NXPH1: variants seen among roughly 807,000 people sequenced by gnomAD.
The protein encoded by NXPH1 is neurexophilin-1.
In NXPH1, 5 loss-of-function variants were observed where a neutral mutation model predicts 23.7. The observed-to-expected ratio is 0.21, with a 90% confidence interval of 0.11 to 0.44. The LOEUF is 0.44. NXPH1 is among the 20% of genes least tolerant of loss of function. The probability of loss-of-function intolerance (pLI) is 0.99; values close to 1 mark genes in which losing one functional copy is unlikely to be tolerated. For missense variants in NXPH1, 324 were observed against 321.6 expected (o/e 1.01, Z -0.06); for synonymous variants, 144 against 122.2 (o/e 1.18, Z -1.18).
chr7:8,480,098 G>A (rs1817047793), intron 2 of NXPH1, among the ~76,000 whole-genome samples: 2 of 152,218 alleles, frequency 1.3e-5, no homozygotes, highest in South Asian at 4.1e-4. Context: ...GGAGATGTTT[G>A]AGATTTGGAT....
intron 2 of NXPH1, among the ~76,000 whole-genome samples, chr7:8,487,217 G>C (rs962112264): frequency 1.3e-5 from 2 of 152,064 alleles, no homozygotes; most frequent in African/African-American, 4.8e-5. Context: ...TTAGTGATAT[G>C]GTTTGGCTGT....
chr7:8,488,728 G>A (rs1374398499), intron 2 of NXPH1, among the ~76,000 whole-genome samples: 1 of 152,114 alleles, frequency 6.6e-6, no homozygotes, highest in East Asian at 1.9e-4. Context: ...TCTACATTGA[G>A]TTTCTACATC....
intron 2 of NXPH1, among the ~76,000 whole-genome samples, chr7:8,640,874 A>G (rs569005510): frequency 6.6e-6 from 1 of 152,096 alleles, no homozygotes; most frequent in Non-Finnish European, 1.5e-5. Context: ...GGATCTCTTG[A>G]GTCTGGGAGT....
intron 2 of NXPH1, among the ~76,000 whole-genome samples, chr7:8,713,268 C>G (rs572230661): frequency 1.3e-4 from 20 of 152,258 alleles, no homozygotes; most frequent in African/African-American, 4.6e-4. Flanking sequence ...GTTGCACTTT[C>G]AACTCCAGAA....
Position 8,510,582 on chromosome 7 carries a change from A to G in NXPH1, c.54+74815A>G, listed in dbSNP as rs1817595086. Among the ~76,000 whole-genome samples, 3 of 152,130 alleles carry G rather than the reference A, an allele frequency of 2.0e-5. No individual in the cohort carries two copies. The South Asian group carries it at 6.2e-4, about 32-fold the overall frequency. On this transcript the variant is annotated intron_variant, in intron 2 of 2. Coordinates refer to ENST00000405863, the MANE Select transcript of NXPH1 (RefSeq NM_152745.3). Reference sequence around the variant, plus strand: ...TTTTTAAAGTTTGGTGACTGAAGGAATATTATATTTTGGTTTTAGGTAGAA... The same window carrying G: ...TTTTTAAAGTTTGGTGACTGAAGGAGTATTATATTTTGGTTTTAGGTAGAA...
intron 2 of NXPH1, among the ~76,000 whole-genome samples, chr7:8,686,205 A>G (rs1821143633): frequency 6.6e-6 from 1 of 152,158 alleles, no homozygotes. Flanking sequence ...CATGCCTGAT[A>G]TTTTATACCT....
At chr7:8,449,357 T>C (rs1293705284) in intron 2 of NXPH1, among the ~76,000 whole-genome samples, 2 of 152,212 alleles carry the variant, frequency 1.3e-5, no homozygotes, top group Non-Finnish European at 2.9e-5. Flanking sequence ...TATTTGACAT[T>C]AGAGTGGGGA....
chr7:8,645,085 C>T (rs973494726), intron 2 of NXPH1, among the ~76,000 whole-genome samples: 2 of 152,262 alleles, frequency 1.3e-5, no homozygotes, highest in East Asian at 3.9e-4. Context: ...TGTTGGTAAA[C>T]ATCTGAGTGG....
intron 2 of NXPH1, among the ~76,000 whole-genome samples, chr7:8,482,096 G>C (rs1487752051): frequency 6.6e-6 from 1 of 152,228 alleles, no homozygotes; most frequent in East Asian, 1.9e-4. Context: ...CGCAGAAGCT[G>C]TGGCCCAACA....
chr7:8,557,663 T>C (rs6957390), intron 2 of NXPH1, among the ~76,000 whole-genome samples: 81,259 of 151,414 alleles, frequency 0.54, 21,846 homozygotes, highest in Middle Eastern at 0.58. Context: ...TTGAGTATTG[T>C]ACAGAACTGG....
chr7:8,465,943 C>T (rs1165132124), intron 2 of NXPH1, among the ~76,000 whole-genome samples: 2 of 152,160 alleles, frequency 1.3e-5, no homozygotes, highest in Admixed American at 6.5e-5. Flanking sequence ...TGCAAAGTCT[C>T]TAATTCAGAG....
chr7:8,658,942 C>T (rs550336834), intron 2 of NXPH1, among the ~76,000 whole-genome samples: 10 of 151,596 alleles, frequency 6.6e-5, no homozygotes, highest in Non-Finnish European at 1.3e-4. Flanking sequence ...TATTTAAATG[C>T]TGTGATTTAC....
intron 2 of NXPH1, among the ~76,000 whole-genome samples, chr7:8,452,291 C>G (rs1253203734): frequency 2.0e-5 from 3 of 152,104 alleles, no homozygotes; most frequent in Non-Finnish European, 4.4e-5. Flanking sequence ...GCTGACAAAC[C>G]CATCCAGTCT....
chr7:8,491,302 T>C (rs1216609089), intron 2 of NXPH1, among the ~76,000 whole-genome samples: 1 of 152,052 alleles, frequency 6.6e-6, no homozygotes, highest in Non-Finnish European at 1.5e-5. Context: ...TTTCAGTGTT[T>C]TCAGGACTCC....
At chr7:8,718,143 A>G (rs1206016407) in intron 2 of NXPH1, among the ~76,000 whole-genome samples, 1 of 152,088 alleles carries the variant, frequency 6.6e-6, no homozygotes, top group East Asian at 1.9e-4. Flanking sequence ...CTCAACATAG[A>G]GTATTTATGC....
intron 2 of NXPH1, among the ~76,000 whole-genome samples, chr7:8,567,186 C>T (rs1435748652): frequency 1.3e-5 from 2 of 151,836 alleles, no homozygotes; most frequent in Non-Finnish European, 1.5e-5. Flanking sequence ...TTTTATCTCC[C>T]CCAAATAACA....
chr7:8,624,743 G>C (rs1264983519), intron 2 of NXPH1, among the ~76,000 whole-genome samples: 1 of 152,164 alleles, frequency 6.6e-6, no homozygotes, highest in East Asian at 1.9e-4. Flanking sequence ...GGGATTAGGA[G>C]TTGAGAGGTT....
At chr7:8,703,236 G>C (rs972941002) in intron 2 of NXPH1, among the ~76,000 whole-genome samples, 1 of 152,076 alleles carries the variant, frequency 6.6e-6, no homozygotes, top group African/African-American at 2.4e-5. Context: ...TGAACTTCTA[G>C]ATTCTGATCG....
chr7:8,542,106 G>C (rs1281744939), intron 2 of NXPH1, among the ~76,000 whole-genome samples: 1 of 151,100 alleles, frequency 6.6e-6, no homozygotes, highest in Non-Finnish European at 1.5e-5. Flanking sequence ...TATGTGGCTT[G>C]GGAGAAACAC....
Sources: gnomAD v4.1 joint callset for allele counts (sites outside exome capture counted in the v4.1 genomes callset) on GRCh38, gnomAD v4.1.1 for gene constraint, MANE v1.5 for transcripts, NCBI Gene and HGNC (gene_info 2026-07-23, HGNC 2026-07-21) for gene names.